The following VPS8 variants were observed in gnomAD, a reference collection of about 807,000 sequenced individuals.
VPS8 encodes the protein vacuolar protein sorting-associated protein 8 homolog.
Under a neutral mutation model 216.4 loss-of-function variants are expected in VPS8, and 129 were observed. The observed-to-expected ratio is 0.60, with a 90% CI of 0.52 to 0.69. VPS8 has a LOEUF of 0.69. VPS8 is among the 30% of genes least tolerant of loss of function. The pLI, the probability that VPS8 is intolerant of heterozygous loss-of-function variation, is 0.00. For synonymous variants in VPS8, 571 were observed against 565.4 expected (o/e 1.01, Z -0.14); for missense variants, 1,531 against 1,683.5 (o/e 0.91, Z 1.59).
chr3:184,890,538 C>G (rs911242166), intron 22 of VPS8, among the ~76,000 whole-genome samples: 1 of 152,116 alleles, frequency 6.6e-6, no homozygotes, highest in Non-Finnish European at 1.5e-5. Context: ...CATTATTACA[C>G]TATAATCACT....
chr3:184,850,170 T>C, intron 10 of VPS8, 148 bp downstream of exon 10: 1 of 646,132 alleles, frequency 1.5e-6, no homozygotes, highest in South Asian at 2.2e-5. Flanking sequence ...ATCCTCAACA[T>C]TGAGCTGTCT....
Position 184,913,876 on chromosome 3 carries a change from G to A in VPS8, c.2189+315G>A, listed in dbSNP as rs78980164. ...AGCACAACAAAGAATTATCTGGCCC[G>A]AAGTATCAGTAGGGCTGAGGTTGAG... On this transcript the variant is annotated intron_variant, in intron 26 of 47. Coordinates refer to ENST00000625842, the MANE Select transcript of VPS8 (RefSeq NM_001009921.3). Among the ~76,000 whole-genome samples, 44 of 152,312 alleles carry A rather than the reference G, an allele frequency of 2.9e-4. No homozygotes were observed. In the East Asian group the frequency reaches 7.3e-3, roughly 25 times the overall value.
chr3:184,870,755 A>T lies in VPS8; in HGVS notation c.1684A>T (p.Lys562Ter), dbSNP rs377271330. Residue 562 changes from lysine (K) to a stop codon, truncating the protein, a stop_gained, in exon 21 of 48, where the codon AAA becomes TAA. Transcript: ENST00000625842. LOFTEE classifies it high-confidence loss of function. The part of the protein sequence containing the change: ...ILFHYADRAL[K>*]KCPDQGKIQV... ...ATTCCATTATGCAGATCGAGCTCTGAAAAAGTGCCCAGACCAAGGAAAAAT... is the reference window on the plus strand; with the variant it reads ...ATTCCATTATGCAGATCGAGCTCTGTAAAAGTGCCCAGACCAAGGAAAAAT... 126 of 1,612,504 alleles carry T rather than the reference A, an allele frequency of 7.8e-5. No individual in the cohort carries two copies. Among genetic ancestry groups the T allele is most frequent in the Non-Finnish European group, 9.8e-5 (115 of 1,179,290 alleles).
intron 21 of VPS8, among the ~76,000 whole-genome samples, chr3:184,880,527 A>G (rs1165968074): frequency 6.6e-6 from 1 of 152,176 alleles, no homozygotes; most frequent in African/African-American, 2.4e-5. Context: ...GTAGTATTCC[A>G]TAGTATGGAT....
At chr3:184,868,750 A>G (rs1016101877) in intron 18 of VPS8, among the ~76,000 whole-genome samples, 196 bp from the exon 19 acceptor site, 2 of 152,218 alleles carry the variant, frequency 1.3e-5, no homozygotes, top group Admixed American at 1.3e-4. Flanking sequence ...GTGGCTCTCT[A>G]TACTAGCATA....
Position 184,964,464 on chromosome 3 carries a change from C to G in VPS8, c.3184-4C>G, listed in dbSNP as rs1178306439. The G allele has an allele frequency of 6.2e-6, 9 of 1,457,890 alleles. No individual in the cohort carries two copies. Among genetic ancestry groups the G allele is most frequent in the Non-Finnish European group, 7.3e-6 (8 of 1,093,214 alleles). The allele number at this position is 1,457,890 out of a possible 1,614,324, so 90.3% of individuals were successfully genotyped here. A position where few individuals can be genotyped will look rare whatever the true frequency, so the allele number is the denominator to read the frequency against. On this transcript the variant is annotated splice_region_variant and splice_polypyrimidine_tract_variant and intron_variant, in intron 37 of 47. Coordinates refer to ENST00000625842, the MANE Select transcript of VPS8 (RefSeq NM_001009921.3). ...TAAAAATATTTATCTTTTTTATTTCCTAGATTACTCAGAAGTATCAACTTC... is the reference window on the plus strand; with the variant it reads ...TAAAAATATTTATCTTTTTTATTTCGTAGATTACTCAGAAGTATCAACTTC...
chr3:185,008,119 CAA>C (rs902896461), intron 45 of VPS8, among the ~76,000 whole-genome samples: 30 of 151,874 alleles, frequency 2.0e-4, no homozygotes, highest in African/African-American at 5.3e-4. Flanking sequence ...TGCCATTTTT[CAA>C]AAGAGTATAT....
chr3:184,834,421 G>A (rs547628779), intron 4 of VPS8, among the ~76,000 whole-genome samples: 16 of 152,096 alleles, frequency 1.1e-4, no homozygotes, highest in Non-Finnish European at 1.3e-4. Flanking sequence ...AATGGGTGCA[G>A]TACACCAACA....
chr3:184,867,059 C>G, intron 17 of VPS8, 109 bp downstream of exon 17: 1 of 980,018 alleles, frequency 1.0e-6, no homozygotes, highest in Non-Finnish European at 1.5e-6. Context: ...TATTGGTCAG[C>G]AATTATCCTA....
intron 5 of VPS8, chr3:184,836,179 A>C: frequency 2.3e-6 from 1 of 443,796 alleles, no homozygotes; most frequent in East Asian, 7.0e-5. Context: ...ATATATCATG[A>C]AGTGAATTTA....
intron 45 of VPS8, among the ~76,000 whole-genome samples, chr3:185,017,758 G>C (rs1756013923): frequency 6.6e-6 from 1 of 152,194 alleles, no homozygotes; most frequent in African/African-American, 2.4e-5. Flanking sequence ...TACCGGCTGT[G>C]GCGGGGGACA....
chr3:185,012,721 G>T (rs1444928968), intron 45 of VPS8, among the ~76,000 whole-genome samples: 1 of 151,908 alleles, frequency 6.6e-6, no homozygotes, highest in Admixed American at 6.6e-5. Context: ...TAAAAAGTAA[G>T]TTAATATGGT....
chr3:184,952,791 C>G (rs964449389), intron 36 of VPS8, among the ~76,000 whole-genome samples: 3 of 152,202 alleles, frequency 2.0e-5, no homozygotes, highest in African/African-American at 7.2e-5. Context: ...TGCATGTCCT[C>G]TGCCATTCGG....
chr3:184,985,206 A>G (rs956953404), intron 42 of VPS8, among the ~76,000 whole-genome samples: 1 of 152,328 alleles, frequency 6.6e-6, no homozygotes, highest in East Asian at 1.9e-4. Flanking sequence ...CAGGGCTACT[A>G]TAAACATTTC....
At chr3:184,847,119 T>C (rs1003796945) in intron 8 of VPS8, among the ~76,000 whole-genome samples, 8 of 152,196 alleles carry the variant, frequency 5.3e-5, no homozygotes, top group African/African-American at 1.9e-4. Flanking sequence ...CCTTGTATAT[T>C]TATGAGTTAT....
intron 37 of VPS8, among the ~76,000 whole-genome samples, chr3:184,961,828 A>G (rs1006008854): frequency 3.3e-5 from 5 of 150,280 alleles, no homozygotes; most frequent in African/African-American, 7.4e-5. Flanking sequence ...GTGCAGTGGC[A>G]TGATCTCGGC....
At chr3:184,814,934 A>C (rs1188083940) in intron 1 of VPS8, among the ~76,000 whole-genome samples, 1 of 152,248 alleles carries the variant, frequency 6.6e-6, no homozygotes, top group African/African-American at 2.4e-5. Context: ...CACATTGTAC[A>C]ATTAGCTGTA....
At chr3:184,927,117 A>G (rs1739801863) in intron 31 of VPS8, among the ~76,000 whole-genome samples, 1 of 152,168 alleles carries the variant, frequency 6.6e-6, no homozygotes, top group Non-Finnish European at 1.5e-5. Flanking sequence ...TCCGCTAATT[A>G]TCATGAGATA....
chr3:184,866,862 T>C lies in VPS8; in HGVS notation c.1396-14T>C, dbSNP rs771970671. 1 of 1,607,610 alleles carries C rather than the reference T, an allele frequency of 6.2e-7. No individual in the cohort carries two copies. ...AATTTTTTTACCTTTTTTGTATGTATGTTTTTCTTCCAGGCTTTGGTTGGA... is the reference window on the plus strand; with the variant it reads ...AATTTTTTTACCTTTTTTGTATGTACGTTTTTCTTCCAGGCTTTGGTTGGA... On this transcript the variant is annotated splice_polypyrimidine_tract_variant and intron_variant, in intron 16 of 47. Coordinates refer to ENST00000625842, the MANE Select transcript of VPS8 (RefSeq NM_001009921.3).
Sources: allele counts gnomAD v4.1 joint callset (sites outside exome capture counted in the v4.1 genomes callset), GRCh38; gene constraint gnomAD v4.1.1; transcripts MANE v1.5; gene names NCBI Gene and HGNC (gene_info 2026-07-23, HGNC 2026-07-21).